Variants in TNR observed in about 807,000 individuals in gnomAD.
TNR encodes the protein tenascin R.
Under a neutral mutation model 150.4 loss-of-function variants are expected in TNR, and 45 were observed. The observed-to-expected ratio is 0.30, with a 90% CI of 0.24 to 0.38. The LOEUF (loss-of-function observed/expected upper bound fraction) is 0.38. Ranked by LOEUF, TNR falls within the 10% of genes least tolerant of loss-of-function variation. TNR has a pLI of 1.00. For missense variants in TNR, 1,544 were observed against 1,759.1 expected (o/e 0.88, Z 2.19); for synonymous variants, 687 against 678.4 (o/e 1.01, Z -0.20).
chr1:175,396,471 C>T, intron 5 of TNR, 73 bp downstream of exon 5: 1 of 1,536,846 alleles, frequency 6.5e-7, no homozygotes, highest in Non-Finnish European at 8.8e-7. Context: ...AGAAAAGACG[C>T]TACTATCATG....
At chr1:175,566,974 C>T (rs1020725663) in intron 1 of TNR, among the ~76,000 whole-genome samples, 1 of 152,146 alleles carries the variant, frequency 6.6e-6, no homozygotes, top group East Asian at 1.9e-4. Context: ...GTGCCATTAG[C>T]CCCCATGGCT....
At chr1:175,586,854 A>C (rs554189279) in intron 1 of TNR, among the ~76,000 whole-genome samples, 2 of 152,334 alleles carry the variant, frequency 1.3e-5, no homozygotes, top group South Asian at 2.1e-4. Context: ...CATTCTGGTC[A>C]CTTCAGGCAA....
chr1:175,439,776 G>A (rs1339234899), intron 2 of TNR, among the ~76,000 whole-genome samples: 1 of 152,222 alleles, frequency 6.6e-6, no homozygotes, highest in Non-Finnish European at 1.5e-5. Flanking sequence ...ATGAAAAAGT[G>A]CTCATCATCA....
At chr1:175,700,611 C>T (rs1322581287) in intron 1 of TNR, among the ~76,000 whole-genome samples, 2 of 152,148 alleles carry the variant, frequency 1.3e-5, no homozygotes, top group Non-Finnish European at 2.9e-5. Flanking sequence ...CATGTCCAGC[C>T]TCCACTGTTA....
At chr1:175,391,197 T>G in intron 7 of TNR, 91 bp downstream of exon 7, 1 of 1,507,338 alleles carries the variant, frequency 6.6e-7, no homozygotes, top group South Asian at 1.3e-5. Context: ...TTCTAGCACC[T>G]CTGTTGTCTC....
At chr1:175,728,933 C>G (rs1442020145) in intron 1 of TNR, among the ~76,000 whole-genome samples, 1 of 152,144 alleles carries the variant, frequency 6.6e-6, no homozygotes, top group African/African-American at 2.4e-5. Flanking sequence ...CCCAAGCTCC[C>G]GAGCTAATGA....
chr1:175,454,981 G>T (rs1656501560), intron 2 of TNR, among the ~76,000 whole-genome samples: 1 of 152,200 alleles, frequency 6.6e-6, no homozygotes, highest in Non-Finnish European at 1.5e-5. Flanking sequence ...GATGGAGGAA[G>T]TGATGTTCTG....
At chr1:175,619,321 C>T (rs1663884722) in intron 1 of TNR, among the ~76,000 whole-genome samples, 1 of 152,174 alleles carries the variant, frequency 6.6e-6, no homozygotes, top group Admixed American at 6.5e-5. Flanking sequence ...CCTTTACCAG[C>T]TTGCAACACA....
At chr1:175,628,672 A>C (rs563702677) in intron 1 of TNR, among the ~76,000 whole-genome samples, 1 of 152,248 alleles carries the variant, frequency 6.6e-6, no homozygotes, top group Admixed American at 6.5e-5. Context: ...GCTGAGGAGC[A>C]GGGACAGACA....
chr1:175,499,852 C>T (rs760300807), intron 2 of TNR, among the ~76,000 whole-genome samples: 20 of 152,168 alleles, frequency 1.3e-4, no homozygotes, highest in Non-Finnish European at 2.1e-4. Flanking sequence ...CCTCTCCTCC[C>T]AGTCAATCTA....
intron 2 of TNR, among the ~76,000 whole-genome samples, chr1:175,416,608 AAAGAAAGTTTCTTTGC>A (rs1260283449): frequency 6.6e-6 from 1 of 152,208 alleles, no homozygotes; most frequent in Non-Finnish European, 1.5e-5. Context: ...ATACAACTGC[AAAGAAAGTTTCTTTGC>A]AAGAAAGTTT....
At chr1:175,594,857 TAAAA>T (rs1174868287) in intron 1 of TNR, among the ~76,000 whole-genome samples, 3 of 103,028 alleles carry the variant, frequency 2.9e-5, no homozygotes, top group Admixed American at 1.0e-4. Context: ...ACCTTGTTTC[TAAAA>T]AAAAAAAAAA....
At chr1:175,711,333 T>C (rs548158837) in intron 1 of TNR, among the ~76,000 whole-genome samples, 6 of 151,982 alleles carry the variant, frequency 3.9e-5, no homozygotes, top group African/African-American at 1.4e-4. Flanking sequence ...AGAGTGTTTC[T>C]GGCAGAGGGA....
intron 1 of TNR, among the ~76,000 whole-genome samples, chr1:175,582,885 G>A (rs1275325201): frequency 1.3e-5 from 2 of 151,962 alleles, no homozygotes; most frequent in African/African-American, 2.4e-5. Context: ...TTATAAAAGG[G>A]TTAGTTCAGC....
intron 1 of TNR, among the ~76,000 whole-genome samples, chr1:175,532,364 T>C (rs919060634): frequency 2.0e-5 from 3 of 152,224 alleles, no homozygotes; most frequent in African/African-American, 7.2e-5. Context: ...TAGGCAACTG[T>C]TGGTGATCTG....
At position 175,363,695 on chromosome 1, in the gene TNR, A is replaced by C. The variant is rs1651700737; in HGVS notation, c.2707+13T>G. 1 of 1,611,038 alleles carries C rather than the reference A, an allele frequency of 6.2e-7. No individual in the cohort carries two copies. The highest frequency in any genetic ancestry group is 8.5e-7 in the Non-Finnish European group (1 of 1,178,660). ...AATCCTAGTATCTTTGAGAAATCAA[A>C]TCACTTTGTTACCTTGGGTGGGTCG... On this transcript the variant is annotated intron_variant, in intron 13 of 22. Coordinates refer to ENST00000367674, the MANE Select transcript of TNR (RefSeq NM_003285.3).
intron 1 of TNR, among the ~76,000 whole-genome samples, chr1:175,727,430 C>T (rs1667510123): frequency 6.6e-6 from 1 of 152,012 alleles, no homozygotes; most frequent in African/African-American, 2.4e-5. Flanking sequence ...AGGATGGAAG[C>T]CTGCTTGGGA....
chr1:175,473,078 G>A (rs761246730), intron 2 of TNR, among the ~76,000 whole-genome samples: 1 of 152,176 alleles, frequency 6.6e-6, no homozygotes, highest in African/African-American at 2.4e-5. Context: ...GGCAGGATTA[G>A]CCCTTAGCAT....
At chr1:175,677,933 G>A (rs1665912671) in intron 1 of TNR, among the ~76,000 whole-genome samples, 2 of 151,878 alleles carry the variant, frequency 1.3e-5, no homozygotes. Flanking sequence ...AGAAGCCAGG[G>A]GGCTAGGAGT....
Sources: gnomAD v4.1 joint callset for allele counts (sites outside exome capture counted in the v4.1 genomes callset) on GRCh38, gnomAD v4.1.1 for gene constraint, MANE v1.5 for transcripts, NCBI Gene and HGNC (gene_info 2026-07-23, HGNC 2026-07-21) for gene names.